Variants in SFI1 observed in about 807,000 individuals in gnomAD.
SFI1 encodes the protein protein SFI1 homolog.
Under a neutral mutation model 207.5 loss-of-function variants are expected in SFI1, and 195 were observed. The ratio of observed to expected loss-of-function variants is 0.94; its 90% CI spans 0.84 to 1.06. The LOEUF (loss-of-function observed/expected upper bound fraction) is 1.06. Ranked by LOEUF, SFI1 falls within the 50% of genes least tolerant of loss-of-function variation. SFI1 has a pLI of 0.00. For missense variants in SFI1, 1,634 were observed against 1,588.0 expected, an observed-to-expected ratio of 1.03 and a Z score of -0.49; for synonymous variants, 630 against 598.9, an observed-to-expected ratio of 1.05 and a Z score of -0.76.
intron 15 of SFI1, among the ~76,000 whole-genome samples, chr22:31,601,486 C>G (rs1042220624): frequency 1.8e-4 from 27 of 152,156 alleles, no homozygotes; most frequent in Non-Finnish European, 3.1e-4. Context: ...TGGGACCCCC[C>G]CTCAGACTTG....
chr22:31,510,558 C>T (rs1185956739), intron 2 of SFI1, among the ~76,000 whole-genome samples: 1 of 151,946 alleles, frequency 6.6e-6, no homozygotes, highest in African/African-American at 2.4e-5. Context: ...CTCAGCCTCC[C>T]GAGTAGCTGA....
At chr22:31,518,905 A>G (rs1460225240) in intron 2 of SFI1, among the ~76,000 whole-genome samples, 1 of 152,006 alleles carries the variant, frequency 6.6e-6, no homozygotes, top group Non-Finnish European at 1.5e-5. Context: ...AACACTTCTC[A>G]CGTGTTATCA....
chr22:31,599,855 C>A (rs1263412350), intron 15 of SFI1, among the ~76,000 whole-genome samples: 1 of 151,166 alleles, frequency 6.6e-6, no homozygotes, highest in Non-Finnish European at 1.5e-5. Flanking sequence ...TTGTCCCCAT[C>A]CTTGATGATA....
chr22:31,618,226 G>A lies in SFI1; in HGVS notation c.3624G>A (p.Gln1208=), dbSNP rs900541559. The part of the protein sequence containing the change: ...VEQQVQKELE[Q]VEMQIQLLAE... ...AGCAGGTGCAGAAAGAGCTGGAACA[G>A]GTGAGGCCCCAGGCCATCCCCAGGT... is the stretch of plus-strand genomic sequence containing the variant. The change falls in exon 32 of 33, where the codon CAG becomes CAA. Residue 1208 remains glutamine (Q), a splice_region_variant and synonymous_variant. Transcript: ENST00000400288. 6.3e-7 allele frequency: 1 copy of A among 1,596,176 alleles called. No homozygotes were observed. Among genetic ancestry groups the A allele is most frequent in the Middle Eastern group, 1.8e-4 (1 of 5,450 alleles).
In SFI1 at chr22:31,568,208, GTGTATATATATATA is replaced by G. The variant is rs1569334040; in HGVS notation, c.766-4848_766-4835del. 3.4e-3 allele frequency among the ~76,000 whole-genome samples: 423 copies of G among 123,574 alleles called. 5 individuals are homozygous for G. The highest frequency in any genetic ancestry group is 0.012 in the African/African-American group (414 of 35,152). 81.1% of individuals were successfully genotyped at this position (123,574 alleles called of 152,430 possible). On this transcript the variant is annotated intron_variant, in intron 8 of 32. Transcript: ENST00000400288. ...GTGTGTGTGTGTTGTGTGTGTGTGT[GTGTATATATATATA>G]TATATTTTTTTTTTTTTACCATAAA...
intron 14 of SFI1, 77 bp downstream of exon 14, chr22:31,585,211 A>G: frequency 2.4e-6 from 3 of 1,271,910 alleles, no homozygotes; most frequent in Non-Finnish European, 3.4e-6. Context: ...ATTCTTGGAA[A>G]AGACCTATGC....
At chr22:31,562,983 T>TTATATATATATATATA (rs56072629) in intron 8 of SFI1, among the ~76,000 whole-genome samples, 65 of 142,392 alleles carry the variant, frequency 4.6e-4, no homozygotes, top group African/African-American at 1.3e-3. Flanking sequence ...TCATCATCTT[T>TTATATATATATATATA]TATATATATA....
chr22:31,614,197 C>T (rs970222582), intron 27 of SFI1: 1 of 370,064 alleles, frequency 2.7e-6, no homozygotes, highest in African/African-American at 2.0e-5. Context: ...AGCTCAGCTC[C>T]TACCCGTGCC....
chr22:31,575,536 AT>A, intron 10 of SFI1, 144 bp downstream of exon 10: 1 of 832,592 alleles, frequency 1.2e-6, no homozygotes, highest in Non-Finnish European at 1.7e-6. Context: ...CAGTCTTAAA[AT>A]TTTTGTTTAA....
chr22:31,585,929 G>A (rs2064975772), intron 14 of SFI1, among the ~76,000 whole-genome samples: 1 of 152,076 alleles, frequency 6.6e-6, no homozygotes, highest in Non-Finnish European at 1.5e-5. Context: ...TTATTTTCGT[G>A]CTGCCCACCC....
chr22:31,575,285 G>GGCA lies in SFI1; in HGVS notation c.982_984dup (p.Gln328dup), dbSNP rs2063365515. 7 of 1,612,866 alleles carry GGCA rather than the reference G, an allele frequency of 4.3e-6. No individual in the cohort carries two copies. Among genetic ancestry groups the GGCA allele is most frequent in the Non-Finnish European group, 5.9e-6 (7 of 1,179,582 alleles). ...GTGCTCCAGATATACTTCTGTGACT[G>GGCA]GCAGCAGGCCTGGGAGCGGAGGGAG... On this transcript the variant is annotated inframe_insertion, in exon 10 of 33. Transcript: ENST00000400288.
rs535246411 is a variant in SFI1 at position 31,518,910 on chromosome 22, TTATCACAATTCATTGCCGGA to T, written c.93-9779_93-9760del. ...ATTGATACACAACACTTCTCACGTG[TTATCACAATTCATTGCCGGA>T]GGAATTAAGAGTGTCCTTTGTGATT... On this transcript the variant is annotated intron_variant, in intron 2 of 32. Coordinates refer to ENST00000400288, the MANE Select transcript of SFI1 (RefSeq NM_001007467.3). 3.7e-3 allele frequency among the ~76,000 whole-genome samples: 557 copies of T among 152,322 alleles called. 1 individual carries two copies. Among genetic ancestry groups the T allele is most frequent in the Middle Eastern group, 0.02 (6 of 294 alleles).
At chr22:31,606,513 C>T in intron 21 of SFI1, 83 bp downstream of exon 21, 1 of 1,136,010 alleles carries the variant, frequency 8.8e-7, no homozygotes, top group Non-Finnish European at 1.3e-6. Flanking sequence ...GGGGTGGTGC[C>T]AGAGATTTGA....
chr22:31,511,354 C>G (rs1358594452), intron 2 of SFI1, among the ~76,000 whole-genome samples: 1 of 151,968 alleles, frequency 6.6e-6, no homozygotes, highest in African/African-American at 2.4e-5. Context: ...ACAGTGTTTA[C>G]TACATGGTCC....
chr22:31,536,909 A>T (rs5749295), intron 4 of SFI1, among the ~76,000 whole-genome samples: 46,288 of 150,288 alleles, frequency 0.31, 7,494 homozygotes, highest in East Asian at 0.48. Flanking sequence ...TTTTTTTTTT[A>T]AAATTAACTT....
intron 1 of SFI1, 86 bp from the exon 2 acceptor site, chr22:31,508,169 A>G (rs1445931820): frequency 1.4e-6 from 1 of 739,218 alleles, no homozygotes; most frequent in East Asian, 2.6e-5. Context: ...AGAGCAGGAG[A>G]CTAGGAGCTG....
chr22:31,531,669 G>A (rs937203363), intron 4 of SFI1, among the ~76,000 whole-genome samples: 1 of 152,112 alleles, frequency 6.6e-6, no homozygotes, highest in Admixed American at 6.5e-5. Context: ...CAAGGTGGGC[G>A]GGTCACCTGA....
intron 15 of SFI1, among the ~76,000 whole-genome samples, chr22:31,601,676 C>G (rs1375102900): frequency 6.6e-6 from 1 of 152,298 alleles, no homozygotes; most frequent in Non-Finnish European, 1.5e-5. Flanking sequence ...GAAGGCTTGG[C>G]TGATACCAGA....
chr22:31,593,072 C>T (rs1427735920), intron 15 of SFI1, among the ~76,000 whole-genome samples: 4 of 140,318 alleles, frequency 2.9e-5, no homozygotes, highest in Admixed American at 6.9e-5. Context: ...CACGGCTGGC[C>T]GGGCGGGGGG....
Sources: allele counts gnomAD v4.1 joint callset (sites outside exome capture counted in the v4.1 genomes callset), GRCh38; gene constraint gnomAD v4.1.1; transcripts MANE v1.5; gene names NCBI Gene and HGNC (gene_info 2026-07-23, HGNC 2026-07-21).